BPI: variants seen among roughly 807,000 people sequenced by gnomAD.
The protein encoded by BPI is bactericidal permeability-increasing protein.
In BPI, 48 loss-of-function variants were observed where a neutral mutation model predicts 57.6. That is an observed-to-expected ratio of 0.83 (90% CI 0.66 to 1.06). The LOEUF is 1.06. Ranked by LOEUF, BPI falls within the 50% of genes least tolerant of loss-of-function variation. The pLI is 0.00. For synonymous variants in BPI, 237 were observed against 238.2 expected, an observed-to-expected ratio of 0.99 and a Z score of 0.05; for missense variants, 651 against 609.7, an observed-to-expected ratio of 1.07 and a Z score of -0.71.
chr20:38,315,312 G>A (rs898727122), intron 5 of BPI, among the ~76,000 whole-genome samples: 6 of 152,312 alleles, frequency 3.9e-5, no homozygotes, highest in Admixed American at 3.3e-4. Context: ...ATGAATGAAT[G>A]AAGGAATGAA....
chr20:38,335,719 A>G, intron 14 of BPI, 45 bp downstream of exon 14: 1 of 1,577,898 alleles, frequency 6.3e-7, no homozygotes, highest in Non-Finnish European at 8.7e-7. Flanking sequence ...AACGATAGTG[A>G]CCAACAGCAG....
In BPI at chr20:38,307,550, C is replaced by T. The variant is rs779023074; in HGVS notation, c.131-17C>T. ...CAGGCTGTGCCTCTCACTGTCACCCCTGCCTTCTCCCTTCAGCCAGCCAGC... is the reference window on the plus strand; with the variant it reads ...CAGGCTGTGCCTCTCACTGTCACCCTTGCCTTCTCCCTTCAGCCAGCCAGC... On this transcript the variant is annotated splice_polypyrimidine_tract_variant and intron_variant, in intron 1 of 14. Coordinates refer to ENST00000642449, the MANE Select transcript of BPI (RefSeq NM_001725.3). The T allele has an allele frequency of 6.3e-7, 1 of 1,590,228 alleles. No individual in the cohort carries two copies. Among genetic ancestry groups the T allele is most frequent in the African/African-American group, 1.4e-5 (1 of 73,634 alleles).
At chr20:38,312,941 G>T (rs2076628506) in intron 5 of BPI, among the ~76,000 whole-genome samples, 1 of 152,184 alleles carries the variant, frequency 6.6e-6, no homozygotes, top group Admixed American at 6.5e-5. Flanking sequence ...GGATTAGATG[G>T]GACAGTTCCA....
At chr20:38,319,217 A>G (rs2076668694) in intron 6 of BPI, among the ~76,000 whole-genome samples, 1 of 152,238 alleles carries the variant, frequency 6.6e-6, no homozygotes. Context: ...CCTGGGTGAC[A>G]GAGCAAGACT....
intron 6 of BPI, chr20:38,319,899 C>T (rs1208544102): frequency 2.0e-5 from 8 of 407,924 alleles, no homozygotes; most frequent in African/African-American, 6.0e-5. Context: ...CAAGGTCATC[C>T]AGAGTTTGGT....
intron 10 of BPI, 156 bp downstream of exon 10, chr20:38,326,588 A>C: frequency 1.2e-6 from 1 of 846,234 alleles, no homozygotes; most frequent in Non-Finnish European, 1.7e-6. Flanking sequence ...AATGGTGCCG[A>C]CTCCTGGAGG....
intron 1 of BPI, among the ~76,000 whole-genome samples, chr20:38,306,716 TG>T (rs1020348457): frequency 2.6e-5 from 4 of 151,960 alleles, no homozygotes; most frequent in African/African-American, 7.3e-5. Flanking sequence ...GGGAGATCTG[TG>T]GGGGTGTAGC....
At chr20:38,311,243 G>A (rs6099074) in intron 4 of BPI, among the ~76,000 whole-genome samples, 1 of 151,996 alleles carries the variant, frequency 6.6e-6, no homozygotes. Flanking sequence ...TCAAGTCCAG[G>A]TCTATTTCAC....
chr20:38,330,932 T>C (rs1289977252), intron 11 of BPI, 116 bp from the exon 12 acceptor site: 1 of 1,201,260 alleles, frequency 8.3e-7, no homozygotes, highest in Non-Finnish European at 1.2e-6. Context: ...GGGGAGTGGA[T>C]ACTGGGTGGG....
Position 38,337,380 on chromosome 20 carries a change from G to A in BPI, c.*196G>A, listed in dbSNP as rs2076772845. 6.2e-6 allele frequency: 3 copies of A among 483,958 alleles called. No individual in the cohort carries two copies. Among genetic ancestry groups the A allele is most frequent in the Non-Finnish European group, 1.1e-5 (3 of 280,148 alleles). The allele number at this position is 483,958 out of a possible 1,614,324, so 30.0% of individuals were successfully genotyped here. On this transcript the variant is annotated 3_prime_UTR_variant, in exon 15 of 15. Transcript: ENST00000642449. ...AAAAGTGCATGGTGTGTATTTTAGG[G>A]ATTATGAGCTTCTTTCAAGGGCTAA...
chr20:38,333,486 G>A (rs1285758223), intron 12 of BPI, among the ~76,000 whole-genome samples: 1 of 152,276 alleles, frequency 6.6e-6, no homozygotes. Context: ...CTACAGATTT[G>A]CAAAAGAAAG....
At chr20:38,310,867 C>A (rs190021454) in intron 4 of BPI, among the ~76,000 whole-genome samples, 196 of 152,376 alleles carry the variant, frequency 1.3e-3, no homozygotes, top group African/African-American at 4.4e-3. Context: ...ATCCAGCAGA[C>A]TTTACTGAGC....
rs1194105258 is a variant in BPI at position 38,320,275 on chromosome 20, G to A, written c.756+1G>A. 1 of 1,613,368 alleles carries A rather than the reference G, an allele frequency of 6.2e-7. No individual in the cohort carries two copies. Among genetic ancestry groups the A allele is most frequent in the Non-Finnish European group, 8.5e-7 (1 of 1,179,668 alleles). ...TGAGACCCTGGATGTACAGATGAAG[G>A]TGAGGCTGACACTGAGAATCATACA... On this transcript the variant is annotated splice_donor_variant, in intron 7 of 14. Transcript: ENST00000642449. LOFTEE classifies it high-confidence loss of function.
intron 5 of BPI, among the ~76,000 whole-genome samples, chr20:38,312,825 C>T (rs1010270050): frequency 3.3e-5 from 5 of 152,202 alleles, no homozygotes; most frequent in African/African-American, 7.2e-5. Flanking sequence ...GTGTCAAAAG[C>T]TTAAAAAGCA....
intron 2 of BPI, 138 bp downstream of exon 2, chr20:38,307,819 G>A: frequency 1.4e-6 from 1 of 731,504 alleles, no homozygotes; most frequent in Non-Finnish European, 2.2e-6. Context: ...ATCATCCCAA[G>A]GGGAGGCAAC....
intron 5 of BPI, among the ~76,000 whole-genome samples, chr20:38,313,193 T>G (rs1025589175): frequency 6.6e-6 from 1 of 152,116 alleles, no homozygotes; most frequent in Admixed American, 6.5e-5. Flanking sequence ...AAGACCAGCC[T>G]GACCAAATGG....
In BPI at chr20:38,310,632, C is replaced by T; in HGVS notation, c.516C>T (p.His172=). Residue 172 remains histidine (H), a synonymous_variant, in exon 4 of 15, where the codon CAC becomes CAT. Transcript: ENST00000642449. ...GCCACATCAACAGTGTCCACGTGCACATCTCAAAGAGCAAAGTGGGGTATG... is the reference window on the plus strand; with the variant it reads ...GCCACATCAACAGTGTCCACGTGCATATCTCAAAGAGCAAAGTGGGGTATG... ...CSSHINSVHV[H]ISKSKVGWLI... 1 of 1,613,458 alleles carries T rather than the reference C, an allele frequency of 6.2e-7. No individual in the cohort carries two copies. Among genetic ancestry groups the T allele is most frequent in the South Asian group, 1.1e-5 (1 of 90,912 alleles).
At chr20:38,306,264 A>T (rs1190935169) in intron 1 of BPI, among the ~76,000 whole-genome samples, 1 of 152,100 alleles carries the variant, frequency 6.6e-6, no homozygotes, top group Non-Finnish European at 1.5e-5. Flanking sequence ...TGAACTCTTG[A>T]CCTAAAGTGA....
At chr20:38,329,934 A>C (rs2076734168) in intron 11 of BPI, among the ~76,000 whole-genome samples, 1 of 150,960 alleles carries the variant, frequency 6.6e-6, no homozygotes, top group African/African-American at 2.4e-5. Flanking sequence ...CTAGTCTTGA[A>C]CTCCTGACTT....
Sources: allele counts gnomAD v4.1 joint callset (sites outside exome capture counted in the v4.1 genomes callset), GRCh38; gene constraint gnomAD v4.1.1; transcripts MANE v1.5; gene names NCBI Gene and HGNC (gene_info 2026-07-23, HGNC 2026-07-21).